Variants in TIMM50 observed in about 807,000 individuals in gnomAD.
TIMM50 encodes the protein mitochondrial import inner membrane translocase subunit TIM50.
A neutral mutation model predicts 49.6 loss-of-function variants in TIMM50; 34 were observed. The ratio of observed to expected loss-of-function variants is 0.69; its 90% confidence interval spans 0.52 to 0.91. The LOEUF is 0.91. Among genes scored for constraint, TIMM50 ranks in the 40% least tolerant of loss-of-function variants. The probability of loss-of-function intolerance (pLI) is 0.00; values close to 1 mark genes in which losing one functional copy is unlikely to be tolerated. For synonymous variants in TIMM50, 199 were observed against 198.4 expected (o/e 1.00, Z -0.03); for missense variants, 458 against 477.8 (o/e 0.96, Z 0.39).
intron 8 of TIMM50, 85 bp downstream of exon 8, chr19:39,486,580 C>T: frequency 1.6e-6 from 2 of 1,237,418 alleles, no homozygotes; most frequent in South Asian, 1.2e-5. Context: ...TGACCCTAGC[C>T]TCACCTGGCT....
chr19:39,485,832 T>A (rs761064493), intron 6 of TIMM50, 25 bp downstream of exon 6: 1 of 1,613,450 alleles, frequency 6.2e-7, no homozygotes, highest in Non-Finnish European at 8.5e-7. Flanking sequence ...ACCCAGTGGG[T>A]TGGGGATAGA....
intron 4 of TIMM50, 155 bp from the exon 5 acceptor site, chr19:39,485,389 T>C: frequency 2.6e-6 from 2 of 780,378 alleles, no homozygotes; most frequent in Non-Finnish European, 4.3e-6. Flanking sequence ...TGGCGGTATG[T>C]CATTGCCTTC....
chr19:39,488,168 C>G lies in TIMM50; in HGVS notation c.804C>G (p.Asp268Glu). ...ACGGCGTTGCCCTGCGGCCCTGGGA[C>G]GGCAACTCTGATGACCGGGTCTTGT... ...PYNGVALRPW[D>E]GNSDDRVLLD... The change falls in exon 9 of 11, where the codon GAC (aspartate) becomes GAG (glutamate). Residue 268 changes from aspartate (D) to glutamate (E), a missense_variant. Transcript: ENST00000607714. 6.2e-7 allele frequency: 1 copy of G among 1,613,998 alleles called. No homozygotes were observed. Among genetic ancestry groups the G allele is most frequent in the South Asian group, 1.1e-5 (1 of 91,082 alleles).
chr19:39,489,587 A>G (rs1441925955), intron 10 of TIMM50, 132 bp from the exon 11 acceptor site: 2 of 863,660 alleles, frequency 2.3e-6, no homozygotes, highest in East Asian at 5.4e-5. Context: ...GGGTTTGGGG[A>G]AAGGGGTCTG....
Position 39,488,012 on chromosome 19 carries a change from G to A in TIMM50, c.697-49G>A, listed in dbSNP as rs148247631. ...TTGTGTGTTTTGGGTCTTCTTGATGGGGGGAGAGTTGGGCACAGATGTTGA... is the reference window on the plus strand; with the variant it reads ...TTGTGTGTTTTGGGTCTTCTTGATGAGGGGAGAGTTGGGCACAGATGTTGA... On this transcript the variant is annotated intron_variant, in intron 8 of 10. Transcript: ENST00000607714. 10 of 1,573,062 alleles carry A rather than the reference G, an allele frequency of 6.4e-6. No individual in the cohort carries two copies. In the Admixed American group the frequency reaches 1.4e-4, roughly 22 times the overall value.
Position 39,488,178 on chromosome 19 carries a change from G to A in TIMM50, c.814G>A (p.Asp272Asn), listed in dbSNP as rs545367933. ...CCTGCGGCCCTGGGACGGCAACTCTGATGACCGGGTCTTGTTGGATCTGTC... is the reference window on the plus strand; with the variant it reads ...CCTGCGGCCCTGGGACGGCAACTCTAATGACCGGGTCTTGTTGGATCTGTC... ...VALRPWDGNSDDRVLLDLSAF... is the reference protein window; with the variant it reads ...VALRPWDGNSNDRVLLDLSAF... Residue 272 changes from aspartate (D) to asparagine (N), a missense_variant, in exon 9 of 11, where the codon GAT becomes AAT. Coordinates refer to ENST00000607714, the MANE Select transcript of TIMM50 (RefSeq NM_001001563.5). 1.4e-5 allele frequency: 23 copies of A among 1,613,866 alleles called. No individual in the cohort carries two copies. Among genetic ancestry groups the A allele is most frequent in the South Asian group, 2.2e-5 (2 of 91,090 alleles).
At chr19:39,485,882 T>C in intron 6 of TIMM50, 75 bp downstream of exon 6, 1 of 1,585,554 alleles carries the variant, frequency 6.3e-7, no homozygotes, top group Non-Finnish European at 8.6e-7. Flanking sequence ...CTTTCAGCCC[T>C]GGCTGTGCTA....
Position 39,480,846 on chromosome 19 carries a change from A to T in TIMM50, c.-8A>T, listed in dbSNP as rs2079464899. On this transcript the variant is annotated 5_prime_UTR_variant, in exon 1 of 11. Coordinates refer to ENST00000607714, the MANE Select transcript of TIMM50 (RefSeq NM_001001563.5). Reference sequence around the variant, plus strand: ...CGAGTGGGCGGGGCCGCGTGGCGTCAGCGCAAGATGGCGGCCTCGGCAGCG... The same window carrying T: ...CGAGTGGGCGGGGCCGCGTGGCGTCTGCGCAAGATGGCGGCCTCGGCAGCG... 1 of 1,595,282 alleles carries T rather than the reference A, an allele frequency of 6.3e-7. No homozygotes were observed. Among genetic ancestry groups the T allele is most frequent in the Non-Finnish European group, 8.5e-7 (1 of 1,171,742 alleles).
At chr19:39,484,961 GT>G (rs368481831) in intron 4 of TIMM50, 63 of 148,016 alleles carry the variant, frequency 4.3e-4, no homozygotes, top group South Asian at 6.3e-4. Flanking sequence ...GTTTTGTTTT[GT>G]TTTTTTTTTT....
intron 8 of TIMM50, 180 bp from the exon 9 acceptor site, chr19:39,487,881 C>G (rs2079518010): frequency 1.2e-6 from 1 of 857,328 alleles, no homozygotes. Context: ...CGTGAGCCAC[C>G]ATGCCTGGCC....
rs552492725 is a variant in TIMM50 at position 39,487,583 on chromosome 19, G to A, written c.697-478G>A. On this transcript the variant is annotated intron_variant, in intron 8 of 10. Coordinates refer to ENST00000607714, the MANE Select transcript of TIMM50 (RefSeq NM_001001563.5). ...AGCGATTCTCTTTCCTCAGCCTCCC[G>A]AGTAGCTGGGACTACAAGCACACAC... Among the ~76,000 whole-genome samples, 19 of 152,046 alleles carry A rather than the reference G, an allele frequency of 1.2e-4. No homozygotes were observed. In the South Asian group the frequency reaches 3.7e-3, roughly 30 times the overall value.
rs370980712 is a variant in TIMM50 at position 39,484,482 on chromosome 19, C to G, written c.314-1062C>G. Among the ~76,000 whole-genome samples the G allele has an allele frequency of 3.5e-4, 54 of 152,198 alleles. 1 individual carries two copies. The South Asian group carries it at 0.011, about 30-fold the overall frequency. ...AAACCAGGGTTTTTCACCCTTGGCC[C>G]TATTGACGCTTTGGACCAGATAATT... is the stretch of plus-strand genomic sequence containing the variant. On this transcript the variant is annotated intron_variant, in intron 4 of 10. Transcript: ENST00000607714.
At position 39,483,131 on chromosome 19, in the gene TIMM50, C is replaced by G; in HGVS notation, c.292-4C>G. On this transcript the variant is annotated splice_region_variant and splice_polypyrimidine_tract_variant and intron_variant, in intron 3 of 10. Transcript: ENST00000607714. ...AACCTTCCATTTTTCTCTCTACCTC[C>G]CAGATTCCTGATGAGTTCGACAATG... 1.2e-6 allele frequency: 2 copies of G among 1,614,142 alleles called. No individual in the cohort carries two copies. Among genetic ancestry groups the G allele is most frequent in the South Asian group, 1.1e-5 (1 of 91,086 alleles).
In TIMM50 at chr19:39,492,893, C is replaced by T. The variant is rs111756852; in HGVS notation, c.*3073C>T. 1.6e-5 allele frequency: 1 copy of T among 62,984 alleles called. No homozygotes were observed. Among genetic ancestry groups the T allele is most frequent in the Non-Finnish European group, 3.2e-5 (1 of 30,890 alleles). 3.9% of individuals were successfully genotyped at this position (62,984 alleles called of 1,614,324 possible). A position where few individuals can be genotyped will look rare whatever the true frequency, so the allele number is the denominator to read the frequency against. On this transcript the variant is annotated 3_prime_UTR_variant, in exon 11 of 11. Transcript: ENST00000607714. ...CTCCAAAAAAAAAAAAAAAAAAAAA[C>T]AAAAAAAAAACCAGTTTGACTTTAT...
rs1355324422 is a variant in TIMM50, at chr19:39,481,863, C to T, written c.109-20C>T. The T allele has an allele frequency of 2.5e-6, 4 of 1,607,708 alleles. No individual in the cohort carries two copies. Among genetic ancestry groups the T allele is most frequent in the Non-Finnish European group, 3.4e-6 (4 of 1,177,798 alleles). On this transcript the variant is annotated intron_variant, in intron 1 of 10. Coordinates refer to ENST00000607714, the MANE Select transcript of TIMM50 (RefSeq NM_001001563.5). ...TGACCTCTCTTCTCTCTTGGCTGAC[C>T]TCCCCTTTCTCAACCGCAGGCCGCA...
In TIMM50 at chr19:39,485,744, C is replaced by T; in HGVS notation, c.429C>T (p.Tyr143=). The change falls in exon 6 of 11, where the codon TAC becomes TAT. Residue 143 remains tyrosine, a synonymous_variant. Coordinates refer to ENST00000607714, the MANE Select transcript of TIMM50 (RefSeq NM_001001563.5). ...TCCCAGACCCTCTGCAGGAACCGTACTACCAGCCACCCTACACGCTCGTTT... is the reference window on the plus strand; with the variant it reads ...TCCCAGACCCTCTGCAGGAACCGTATTACCAGCCACCCTACACGCTCGTTT... ...CLLPDPLQEP[Y]YQPPYTLVLE... The T allele has an allele frequency of 6.2e-7, 1 of 1,614,174 alleles. No individual in the cohort carries two copies. Among genetic ancestry groups the T allele is most frequent in the Non-Finnish European group, 8.5e-7 (1 of 1,180,034 alleles).
chr19:39,487,839 G>A (rs550386539), intron 8 of TIMM50, among the ~76,000 whole-genome samples: 31 of 151,974 alleles, frequency 2.0e-4, no homozygotes, highest in African/African-American at 3.6e-4. Flanking sequence ...TGATCCGCCC[G>A]CCTCGGCCTC....
rs201484883 is a variant in TIMM50 at position 39,485,814 on chromosome 19, C to A, written c.492+7C>A. The A allele has an allele frequency of 6.2e-7, 1 of 1,614,010 alleles. No individual in the cohort carries two copies. ...CTTGCATCCTGAGTGGTCGGTGTGTCCCGGGAAACCCAGTGGGTTGGGGAT... is the reference window on the plus strand; with the variant it reads ...CTTGCATCCTGAGTGGTCGGTGTGTACCGGGAAACCCAGTGGGTTGGGGAT... On this transcript the variant is annotated splice_region_variant and intron_variant, in intron 6 of 10. Coordinates refer to ENST00000607714, the MANE Select transcript of TIMM50 (RefSeq NM_001001563.5).
chr19:39,488,299 C>G, intron 9 of TIMM50, 82 bp downstream of exon 9: 3 of 1,505,838 alleles, frequency 2.0e-6, no homozygotes, highest in Non-Finnish European at 2.7e-6. Context: ...TGATTCATGG[C>G]TGGGCGACTG....
Sources: allele counts gnomAD v4.1 joint callset (sites outside exome capture counted in the v4.1 genomes callset), GRCh38; gene constraint gnomAD v4.1.1; transcripts MANE v1.5; gene names NCBI Gene and HGNC (gene_info 2026-07-23, HGNC 2026-07-21).